The following TCF7L2 variants were observed in gnomAD, a reference collection of about 807,000 sequenced individuals.
TCF7L2 encodes transcription factor 7-like 2.
TCF7L2 carries 23 observed loss-of-function variants against 77.9 expected under a neutral mutation model. The ratio of observed to expected loss-of-function variants is 0.30; its 90% CI spans 0.21 to 0.42. The LOEUF is 0.42. TCF7L2 is among the 10% of genes least tolerant of loss of function. The pLI, the probability that TCF7L2 is intolerant of heterozygous loss-of-function variation, is 1.00. For missense variants in TCF7L2, 654 were observed against 793.1 expected (o/e 0.82, Z 2.11); for synonymous variants, 413 against 340.2 (o/e 1.21, Z -2.36).
chr10:112,971,337 C>T (rs1348468334), intron 4 of TCF7L2, among the ~76,000 whole-genome samples: 1 of 152,000 alleles, frequency 6.6e-6, no homozygotes, highest in Admixed American at 6.6e-5. Flanking sequence ...CTCTGTTGTC[C>T]AGGCTGGAGT....
At chr10:113,059,184 G>A (rs189211342) in intron 5 of TCF7L2, among the ~76,000 whole-genome samples, 1 of 151,992 alleles carries the variant, frequency 6.6e-6, no homozygotes, top group Non-Finnish European at 1.5e-5. Flanking sequence ...GGGTTTTTTC[G>A]GATGCATTGG....
At chr10:113,035,391 C>T (rs1292684990) in intron 4 of TCF7L2, among the ~76,000 whole-genome samples, 1 of 152,186 alleles carries the variant, frequency 6.6e-6, no homozygotes, top group Non-Finnish European at 1.5e-5. Flanking sequence ...GCCCATAGAC[C>T]AAAATTGGCT....
intron 4 of TCF7L2, among the ~76,000 whole-genome samples, chr10:113,032,001 C>T (rs1412142571): frequency 6.6e-6 from 1 of 152,198 alleles, no homozygotes; most frequent in East Asian, 1.9e-4. Context: ...TTAGGCAAAG[C>T]GTGGAGAAGA....
At chr10:112,956,729 C>A (rs1164802700) in intron 3 of TCF7L2, among the ~76,000 whole-genome samples, 4 of 152,172 alleles carry the variant, frequency 2.6e-5, no homozygotes, top group Non-Finnish European at 5.9e-5. Flanking sequence ...TTTTTGCTGG[C>A]AAGCGCACCA....
At chr10:113,062,561 G>C (rs1401488761) in intron 5 of TCF7L2, among the ~76,000 whole-genome samples, 1 of 147,948 alleles carries the variant, frequency 6.8e-6, no homozygotes, top group Non-Finnish European at 1.5e-5. Flanking sequence ...TTTTCTTACT[G>C]TCTCCCCCTT....
chr10:113,099,131 G>A (rs2061363327), intron 5 of TCF7L2, among the ~76,000 whole-genome samples: 2 of 152,156 alleles, frequency 1.3e-5, no homozygotes. Context: ...CACCTAGCAT[G>A]CTCTGGAACC....
At chr10:113,046,759 A>G (rs144585360) in intron 5 of TCF7L2, among the ~76,000 whole-genome samples, 16 of 152,278 alleles carry the variant, frequency 1.1e-4, no homozygotes, top group African/African-American at 3.6e-4. Context: ...GTTTATGTTC[A>G]TTGTAGGCAG....
Position 112,988,839 on chromosome 10 carries a change from G to T in TCF7L2, c.450+24215G>T, listed in dbSNP as rs896277461. On this transcript the variant is annotated intron_variant, in intron 4 of 13. Transcript: ENST00000627217. ...AATAGGTGTTTTTTGAGCTCTATCT[G>T]CCAGTTTCTCTATATATGGACATTA... Among the ~76,000 whole-genome samples, 5 of 152,240 alleles carry T rather than the reference G, an allele frequency of 3.3e-5. No individual in the cohort carries two copies. In the East Asian group the frequency reaches 9.6e-4, roughly 29 times the overall value.
At position 113,137,373 on chromosome 10, in the gene TCF7L2, C is replaced by G. The variant is rs1353827565; in HGVS notation, c.553-3811C>G. On this transcript the variant is annotated intron_variant, in intron 5 of 13. Coordinates refer to ENST00000627217, the MANE Select transcript of TCF7L2 (RefSeq NM_001146274.2). ...TTGCACGTTTAGCTTGTGCCTGTCACTGTGCTAAATACTTTACGTGCAAGT... is the reference window on the plus strand; with the variant it reads ...TTGCACGTTTAGCTTGTGCCTGTCAGTGTGCTAAATACTTTACGTGCAAGT... 3.9e-5 allele frequency among the ~76,000 whole-genome samples: 6 copies of G among 152,220 alleles called. No homozygotes were observed. The East Asian group carries it at 1.2e-3, about 29-fold the overall frequency.
intron 4 of TCF7L2, among the ~76,000 whole-genome samples, chr10:112,973,290 A>G (rs1443185259): frequency 1.2e-4 from 18 of 152,158 alleles, no homozygotes; most frequent in Admixed American, 1.2e-3. Context: ...TTGGAGAACC[A>G]CCGGACTAGG....
At chr10:113,146,249 C>A in intron 8 of TCF7L2, 152 bp downstream of exon 8, 1 of 689,326 alleles carries the variant, frequency 1.5e-6, no homozygotes, top group Middle Eastern at 3.3e-4. Flanking sequence ...CCCAGAAAAT[C>A]CTGAAAAATT....
At chr10:112,972,509 A>C (rs2038487347) in intron 4 of TCF7L2, among the ~76,000 whole-genome samples, 1 of 152,126 alleles carries the variant, frequency 6.6e-6, no homozygotes, top group Non-Finnish European at 1.5e-5. Context: ...TCACTCTGTC[A>C]CCCAGGCTGG....
At position 113,146,911 on chromosome 10, in the gene TCF7L2, CAT is replaced by C. The variant is rs568416945; in HGVS notation, c.875+815_875+816del. Among the ~76,000 whole-genome samples the C allele has an allele frequency of 2.9e-3, 424 of 144,922 alleles. 1 individual carries two copies. The highest frequency in any genetic ancestry group is 5.1e-3 in the South Asian group (24 of 4,734). ...TAAGTCTTTGAAAGTTAAAAAAAAA[CAT>C]GTGTGTGTGTGCTGTACATTCATAT... On this transcript the variant is annotated intron_variant, in intron 8 of 13. Transcript: ENST00000627217.
At position 113,137,423 on chromosome 10, in the gene TCF7L2, C is replaced by T. The variant is rs147335684; in HGVS notation, c.553-3761C>T. On this transcript the variant is annotated intron_variant, in intron 5 of 13. Coordinates refer to ENST00000627217, the MANE Select transcript of TCF7L2 (RefSeq NM_001146274.2). ...TTCTCATTCAGTTTTCACAACTCTG[C>T]GAGGTAGACACGATTCTCATCCAGA... Among the ~76,000 whole-genome samples, 340 of 152,290 alleles carry T rather than the reference C, an allele frequency of 2.2e-3. 3 individuals are homozygous for T. Among genetic ancestry groups the T allele is most frequent in the Admixed American group, 1.7e-3 (26 of 15,294 alleles).
intron 7 of TCF7L2, 53 bp from the exon 8 acceptor site, chr10:113,145,958 T>TGGGGGC: frequency 7.4e-7 from 1 of 1,350,236 alleles, no homozygotes; most frequent in East Asian, 2.4e-5. Flanking sequence ...CTTTTTCTTG[T>TGGGGGC]CCCCACCCCC....
intron 5 of TCF7L2, among the ~76,000 whole-genome samples, chr10:113,072,682 A>G (rs2058178427): frequency 1.3e-5 from 2 of 152,192 alleles, no homozygotes; most frequent in Non-Finnish European, 2.9e-5. Context: ...CTACTTAAAT[A>G]AAAAGAGCCA....
At chr10:112,993,457 G>A (rs2042943359) in intron 4 of TCF7L2, among the ~76,000 whole-genome samples, 1 of 150,884 alleles carries the variant, frequency 6.6e-6, no homozygotes. Context: ...AGTGAGCCGA[G>A]ATCACACCAC....
At chr10:113,131,195 T>C (rs2066548851) in intron 5 of TCF7L2, among the ~76,000 whole-genome samples, 1 of 152,250 alleles carries the variant, frequency 6.6e-6, no homozygotes, top group South Asian at 2.1e-4. Context: ...GTCGATAAGC[T>C]CTTCCATCCA....
chr10:113,101,085 A>AG (rs2061581868), intron 5 of TCF7L2, among the ~76,000 whole-genome samples: 2 of 151,894 alleles, frequency 1.3e-5, no homozygotes, highest in African/African-American at 4.8e-5. Flanking sequence ...CAAGGGGGGA[A>AG]AAAATCCATC....
Sources: allele counts gnomAD v4.1 joint callset (sites outside exome capture counted in the v4.1 genomes callset), GRCh38; gene constraint gnomAD v4.1.1; transcripts MANE v1.5; gene names NCBI Gene and HGNC (gene_info 2026-07-23, HGNC 2026-07-21).